The following NSMCE2 variants were observed in gnomAD, a reference collection of about 807,000 sequenced individuals.
NSMCE2 encodes the protein E3 SUMO-protein ligase NSE2.
A neutral mutation model predicts 23.8 loss-of-function variants in NSMCE2; 24 were observed. The ratio of observed to expected loss-of-function variants is 1.01; its 90% confidence interval spans 0.73 to 1.42. NSMCE2 has a LOEUF of 1.42. NSMCE2 is among the 40% of genes most tolerant of loss of function. NSMCE2 has a pLI of 0.00. For missense variants in NSMCE2, 284 were observed against 296.5 expected, an observed-to-expected ratio of 0.96 and a Z score of 0.31; for synonymous variants, 92 against 94.1, an observed-to-expected ratio of 0.98 and a Z score of 0.13.
intron 3 of NSMCE2, among the ~76,000 whole-genome samples, chr8:125,139,980 T>C (rs1369523727): frequency 6.6e-6 from 1 of 152,200 alleles, no homozygotes; most frequent in African/African-American, 2.4e-5. Flanking sequence ...TCTATAAGTA[T>C]TTGAATTTCT....
chr8:125,115,815 A>T (rs1470385395), intron 3 of NSMCE2, among the ~76,000 whole-genome samples: 1 of 152,228 alleles, frequency 6.6e-6, no homozygotes, highest in Non-Finnish European at 1.5e-5. Flanking sequence ...TGCTGATGCA[A>T]CTGTTTACAA....
intron 5 of NSMCE2, among the ~76,000 whole-genome samples, chr8:125,345,148 G>A (rs925319338): frequency 1.3e-5 from 2 of 152,168 alleles, no homozygotes; most frequent in Non-Finnish European, 2.9e-5. Flanking sequence ...CGGGGGCGTA[G>A]ATGGTTTCTG....
Position 125,102,420 on chromosome 8 carries a change from C to T in NSMCE2, c.90C>T (p.Phe30=), listed in dbSNP as rs1221837936. Residue 30 remains phenylalanine, a synonymous_variant, in exon 3 of 8, where the codon TTC becomes TTT. Transcript: ENST00000287437. ...VESALSSLKN[F]QACINSGMDT... ...CTGCTCTCTCCTCCTTGAAAAACTTCCAAGCCTGTATCAACTCTGGTATGG... is the reference window on the plus strand; with the variant it reads ...CTGCTCTCTCCTCCTTGAAAAACTTTCAAGCCTGTATCAACTCTGGTATGG... 6.2e-7 allele frequency: 1 copy of T among 1,613,488 alleles called. No homozygotes were observed. The highest frequency in any genetic ancestry group is 1.7e-5 in the Admixed American group (1 of 60,024).
intron 3 of NSMCE2, among the ~76,000 whole-genome samples, chr8:125,150,557 A>C (rs1820951131): frequency 6.9e-6 from 1 of 143,902 alleles, no homozygotes; most frequent in Non-Finnish European, 1.5e-5. Flanking sequence ...TAATTTCTGT[A>C]TTTTAATAGA....
chr8:125,190,411 C>T (rs892005946), intron 5 of NSMCE2, among the ~76,000 whole-genome samples: 3 of 152,242 alleles, frequency 2.0e-5, no homozygotes, highest in Non-Finnish European at 1.5e-5. Flanking sequence ...AGAAGACAGA[C>T]GGTGCCAAGG....
chr8:125,129,542 C>CTGTG (rs1491219662), intron 3 of NSMCE2, among the ~76,000 whole-genome samples: 4 of 113,728 alleles, frequency 3.5e-5, no homozygotes, highest in Admixed American at 8.5e-5. Flanking sequence ...AAAGATTTGG[C>CTGTG]TCTGTGTGTG....
At chr8:125,131,247 T>C (rs79761457) in intron 3 of NSMCE2, among the ~76,000 whole-genome samples, 3,317 of 152,294 alleles carry the variant, frequency 0.022, 131 homozygotes, top group African/African-American at 0.076. Flanking sequence ...CTGCAATCTC[T>C]TTTTGAAAAT....
At chr8:125,252,345 G>C (rs1030238198) in intron 5 of NSMCE2, among the ~76,000 whole-genome samples, 2 of 152,114 alleles carry the variant, frequency 1.3e-5, no homozygotes, top group Non-Finnish European at 2.9e-5. Context: ...TGGCTAACAC[G>C]GTGAAACCCT....
intron 5 of NSMCE2, among the ~76,000 whole-genome samples, chr8:125,229,824 A>C (rs1825248328): frequency 6.6e-6 from 1 of 152,172 alleles, no homozygotes; most frequent in Non-Finnish European, 1.5e-5. Flanking sequence ...ATCATTTGAT[A>C]AATTTTTAAA....
intron 3 of NSMCE2, among the ~76,000 whole-genome samples, chr8:125,144,496 C>G (rs753849150): frequency 9.9e-5 from 15 of 152,220 alleles, no homozygotes; most frequent in Non-Finnish European, 1.6e-4. Flanking sequence ...AATGCTGGAA[C>G]TGGCGCCGGA....
chr8:125,177,579 G>A (rs1482678989), intron 4 of NSMCE2, among the ~76,000 whole-genome samples: 1 of 152,110 alleles, frequency 6.6e-6, no homozygotes, highest in African/African-American at 2.4e-5. Context: ...AACAGGCAGC[G>A]GGCCAGACAC....
At chr8:125,307,684 A>G (rs918629467) in intron 5 of NSMCE2, among the ~76,000 whole-genome samples, 7 of 152,174 alleles carry the variant, frequency 4.6e-5, no homozygotes, top group Non-Finnish European at 8.8e-5. Context: ...AAATTCATCA[A>G]CTTCTTGAAC....
At chr8:125,363,932 A>G (rs1813676261) in intron 7 of NSMCE2, among the ~76,000 whole-genome samples, 1 of 151,784 alleles carries the variant, frequency 6.6e-6, no homozygotes, top group African/African-American at 2.4e-5. Context: ...TATGTAGGGC[A>G]CTTTTTTTTT....
intron 5 of NSMCE2, among the ~76,000 whole-genome samples, chr8:125,213,655 GTTTCTCTCTC>G (rs1203249088): frequency 2.2e-5 from 3 of 138,364 alleles, no homozygotes; most frequent in African/African-American, 8.3e-5. Flanking sequence ...CTCTTTCTCT[GTTTCTCTCTC>G]TTTCTCTCTT....
At chr8:125,123,864 A>C (rs1819383104) in intron 3 of NSMCE2, among the ~76,000 whole-genome samples, 1 of 152,212 alleles carries the variant, frequency 6.6e-6, no homozygotes, top group African/African-American at 2.4e-5. Flanking sequence ...AAATCCCATT[A>C]GCTTTTTTAT....
rs531891911 is a variant in NSMCE2, at chr8:125,192,099, AAG to A, written c.418+9848_418+9849del. 1.7e-4 allele frequency among the ~76,000 whole-genome samples: 26 copies of A among 152,312 alleles called. No individual in the cohort carries two copies. The South Asian group carries it at 2.3e-3, about 13-fold the overall frequency. ...TGTTTCTCTCATTGTGACTTATTTT[AAG>A]AGAGTATGATGCCATCCACACTCAG... On this transcript the variant is annotated intron_variant, in intron 5 of 7. Transcript: ENST00000287437.
chr8:125,301,907 A>G (rs1828581207), intron 5 of NSMCE2, among the ~76,000 whole-genome samples: 1 of 151,710 alleles, frequency 6.6e-6, no homozygotes, highest in Non-Finnish European at 1.5e-5. Flanking sequence ...CAGGTGATCC[A>G]CCAGCCTTAG....
intron 1 of NSMCE2, among the ~76,000 whole-genome samples, chr8:125,095,880 C>T (rs1464783506): frequency 8.3e-6 from 1 of 120,858 alleles, no homozygotes; most frequent in African/African-American, 3.3e-5. Context: ...AAAACTCCAT[C>T]TCAAAAAAAA....
intron 5 of NSMCE2, among the ~76,000 whole-genome samples, chr8:125,229,825 A>G (rs947642078): frequency 3.3e-5 from 5 of 152,132 alleles, no homozygotes; most frequent in Admixed American, 3.3e-4. Flanking sequence ...TCATTTGATA[A>G]ATTTTTAAAA....
Sources: allele counts gnomAD v4.1 joint callset (sites outside exome capture counted in the v4.1 genomes callset), GRCh38; gene constraint gnomAD v4.1.1; transcripts MANE v1.5; gene names NCBI Gene and HGNC (gene_info 2026-07-23, HGNC 2026-07-21).